Variants in NCKAP5 observed in about 807,000 individuals in gnomAD.
NCKAP5 encodes the protein nck-associated protein 5.
In NCKAP5, 92 loss-of-function variants were observed where a neutral mutation model predicts 167.0. The observed-to-expected ratio is 0.55, with a 90% confidence interval of 0.47 to 0.66. The LOEUF is 0.66. Among genes scored for constraint, NCKAP5 ranks in the 30% least tolerant of loss-of-function variants. NCKAP5 has a pLI of 0.00. For missense variants in NCKAP5, 2,378 were observed against 2,315.0 expected (o/e 1.03, Z -0.56); for synonymous variants, 891 against 877.4 (o/e 1.02, Z -0.27).
At chr2:133,653,165 T>C in the NCKAP5 span, among the ~76,000 whole-genome samples, 1 of 152,182 alleles carries the variant, frequency 6.6e-6, no homozygotes, top group Non-Finnish European at 1.5e-5. Flanking sequence ...TTAAGTAAAT[T>C]TGAATATTAG....
intron 6 of NCKAP5, among the ~76,000 whole-genome samples, chr2:133,026,275 T>A (rs2078694999): frequency 6.6e-6 from 1 of 152,128 alleles, no homozygotes; most frequent in Non-Finnish European, 1.5e-5. Flanking sequence ...TTGCAAAAAT[T>A]TTCTCCCATT....
intron 5 of NCKAP5, among the ~76,000 whole-genome samples, chr2:133,144,654 T>C (rs1442405487): frequency 2.0e-5 from 3 of 152,198 alleles, no homozygotes; most frequent in African/African-American, 7.2e-5. Flanking sequence ...GTAATATTTG[T>C]GCTTGTCAGT....
At chr2:133,640,735 G>A in the NCKAP5 span, among the ~76,000 whole-genome samples, 1 of 152,128 alleles carries the variant, frequency 6.6e-6, no homozygotes, top group African/African-American at 2.4e-5. Context: ...TATTTGCCCT[G>A]TGAATGAATG....
chr2:133,603,228 CTTT>C, the NCKAP5 span, among the ~76,000 whole-genome samples: 4 of 137,890 alleles, frequency 2.9e-5, no homozygotes, highest in Admixed American at 7.2e-5. Flanking sequence ...CTTTTTCTTT[CTTT>C]TTTTTTTTTT....
At chr2:133,462,685 G>A (rs1183276687) in intron 3 of NCKAP5, among the ~76,000 whole-genome samples, 1 of 151,998 alleles carries the variant, frequency 6.6e-6, no homozygotes, top group Non-Finnish European at 1.5e-5. Flanking sequence ...TGTAAAATGG[G>A]GAGAATAATA....
intron 2 of NCKAP5, among the ~76,000 whole-genome samples, chr2:133,542,113 T>C (rs1442754144): frequency 7.2e-5 from 11 of 152,142 alleles, no homozygotes; most frequent in Non-Finnish European, 1.6e-4. Flanking sequence ...GGTTTCAATG[T>C]TGGGGAGGAG....
chr2:133,433,743 T>C (rs1285476456), intron 3 of NCKAP5: 1 of 152,208 alleles, frequency 6.6e-6, no homozygotes, highest in Non-Finnish European at 1.5e-5. Flanking sequence ...GCGTAGGAGA[T>C]AGAGAATTGA....
intron 16 of NCKAP5, among the ~76,000 whole-genome samples, chr2:132,765,938 G>A (rs1681436739): frequency 1.3e-5 from 2 of 152,054 alleles, no homozygotes; most frequent in African/African-American, 2.4e-5. Flanking sequence ...ATAAGGGGTG[G>A]TTTTTCAACA....
intron 3 of NCKAP5, among the ~76,000 whole-genome samples, chr2:133,311,881 A>G (rs1681258364): frequency 6.6e-6 from 1 of 152,212 alleles, no homozygotes; most frequent in Non-Finnish European, 1.5e-5. Flanking sequence ...AGTTTTCTAA[A>G]TTACTTTTTA....
chr2:132,993,358 T>C (rs931865424), intron 7 of NCKAP5, among the ~76,000 whole-genome samples: 1 of 152,198 alleles, frequency 6.6e-6, no homozygotes, highest in Non-Finnish European at 1.5e-5. Flanking sequence ...AGCCTTCTCA[T>C]CTGTACAGGC....
intron 3 of NCKAP5, among the ~76,000 whole-genome samples, chr2:133,472,950 T>C (rs1275437502): frequency 1.3e-5 from 2 of 152,202 alleles, no homozygotes; most frequent in African/African-American, 2.4e-5. Context: ...TTTATCATCT[T>C]GATAAAGATG....
At chr2:133,190,897 C>A (rs1463310523) in intron 5 of NCKAP5, among the ~76,000 whole-genome samples, 1 of 152,062 alleles carries the variant, frequency 6.6e-6, no homozygotes, top group Non-Finnish European at 1.5e-5. Context: ...AAAGCAATGG[C>A]AACAAAAGCC....
At chr2:133,232,808 A>G (rs911042181) in intron 4 of NCKAP5, among the ~76,000 whole-genome samples, 12 of 152,232 alleles carry the variant, frequency 7.9e-5, no homozygotes, top group African/African-American at 2.9e-4. Flanking sequence ...ACTGACTACA[A>G]GAGAATTTCA....
chr2:132,712,509 G>T (rs896233862), intron 19 of NCKAP5, among the ~76,000 whole-genome samples: 1 of 152,088 alleles, frequency 6.6e-6, no homozygotes, highest in African/African-American at 2.4e-5. Context: ...AAAATTAGCC[G>T]GGTGTAGAGG....
At chr2:133,644,554 C>T in the NCKAP5 span, among the ~76,000 whole-genome samples, 1 of 152,198 alleles carries the variant, frequency 6.6e-6, no homozygotes, top group African/African-American at 2.4e-5. Flanking sequence ...AACATTTCAG[C>T]TCTAGACAAT....
chr2:132,993,131 C>A (rs1573663705), intron 7 of NCKAP5, among the ~76,000 whole-genome samples: 1 of 152,208 alleles, frequency 6.6e-6, no homozygotes, highest in Admixed American at 6.5e-5. Flanking sequence ...CTTTCTCAAA[C>A]CCACTGGCTT....
intron 15 of NCKAP5, among the ~76,000 whole-genome samples, chr2:132,774,930 G>A (rs1047443522): frequency 6.6e-5 from 10 of 152,268 alleles, no homozygotes; most frequent in Admixed American, 1.3e-4. Flanking sequence ...ATCTGACTCC[G>A]GATTTGTGTT....
chr2:132,969,120 C>T (rs1215862433), intron 7 of NCKAP5, among the ~76,000 whole-genome samples: 1 of 152,100 alleles, frequency 6.6e-6, no homozygotes, highest in Non-Finnish European at 1.5e-5. Context: ...TCACTGCAAC[C>T]TCCGCCTCCT....
At chr2:133,033,365 C>T (rs1015038838) in intron 6 of NCKAP5, among the ~76,000 whole-genome samples, 3 of 152,192 alleles carry the variant, frequency 2.0e-5, no homozygotes, top group African/African-American at 7.2e-5. Flanking sequence ...TTTCAAATAT[C>T]AGGCAAGCCT....
Sources: allele counts gnomAD v4.1 joint callset (sites outside exome capture counted in the v4.1 genomes callset), GRCh38; gene constraint gnomAD v4.1.1; transcripts MANE v1.5; gene names NCBI Gene and HGNC (gene_info 2026-07-23, HGNC 2026-07-21).